The following PCDHB12 variants were observed in gnomAD, a reference collection of about 807,000 sequenced individuals.
PCDHB12 encodes protocadherin beta 12.
For missense variants in PCDHB12, 1,192 were observed against 998.2 expected, an observed-to-expected ratio of 1.19 and a Z score of -2.62; for synonymous variants, 560 against 445.2, an observed-to-expected ratio of 1.26 and a Z score of -3.24.
At position 141,210,396 on chromosome 5, in the gene PCDHB12, C is replaced by T. The variant is rs537711307; in HGVS notation, c.1489C>T (p.His497Tyr). 13 of 1,613,086 alleles carry T rather than the reference C, an allele frequency of 8.1e-6. No homozygotes were observed. Among genetic ancestry groups the T allele is most frequent in the African/African-American group, 1.3e-5 (1 of 75,042 alleles). Residue 497 changes from histidine (H) to tyrosine (Y), a missense_variant, in exon 1 of 1, where the codon CAC becomes TAC. His to Tyr is a moderately conservative substitution (Grantham distance 83). Coordinates refer to ENST00000239450, the MANE Select transcript of PCDHB12 (RefSeq NM_018932.4). ...CTCGCTGCTGCCGTCCCAGGACCCG[C>T]ACCTGCCCCTCGCCTCCCTGGTCTC... ...NYSLLPSQDP[H>Y]LPLASLVSIN...
chr5:141,210,125 G>A lies in PCDHB12; in HGVS notation c.1218G>A (p.Glu406=). The A allele has an allele frequency of 6.2e-7, 1 of 1,613,894 alleles. No individual in the cohort carries two copies. The highest frequency in any genetic ancestry group is 1.1e-5 in the South Asian group (1 of 91,056). The change falls in exon 1 of 1, where the codon GAG becomes GAA. Residue 406 remains glutamate (E), a synonymous_variant. Coordinates refer to ENST00000239450, the MANE Select transcript of PCDHB12 (RefSeq NM_018932.4). ...SVNNYYTLET[E]RPLDRESRAE... is the part of the protein sequence containing the mutation. ...ATAATTACTACACTTTGGAAACAGA[G>A]AGACCGCTGGACAGAGAGAGCAGAG... is the stretch of plus-strand genomic sequence containing the variant.
At position 141,209,268 on chromosome 5, in the gene PCDHB12, CTCCAGG is replaced by C; in HGVS notation, c.364_369del (p.Gln122_Val123del). 1 of 1,614,180 alleles carries C rather than the reference CTCCAGG, an allele frequency of 6.2e-7. No homozygotes were observed. The highest frequency in any genetic ancestry group is 8.5e-7 in the Non-Finnish European group (1 of 1,180,038). On this transcript the variant is annotated inframe_deletion, in exon 1 of 1. Transcript: ENST00000239450. ...CCCCACGCAGTTTTTACAAATTGAG[CTCCAGG>C]TCAGGGATATAAATGATCACTCTCC...
Position 141,212,287 on chromosome 5 carries a change from T to C in PCDHB12, c.*992T>C, listed in dbSNP as rs188216547. On this transcript the variant is annotated 3_prime_UTR_variant, in exon 1 of 1. Transcript: ENST00000239450. ...GAGTCACCCATGCTTACATTTGTAATATATTTTCCTGATTTGAGAGTTTGT... is the reference window on the plus strand; with the variant it reads ...GAGTCACCCATGCTTACATTTGTAACATATTTTCCTGATTTGAGAGTTTGT... The C allele has an allele frequency of 2.5e-4, 40 of 160,850 alleles. No individual in the cohort carries two copies. Among genetic ancestry groups the C allele is most frequent in the African/African-American group, 9.1e-4 (38 of 41,600 alleles). The allele number at this position is 160,850 out of a possible 1,614,324, so 10.0% of individuals were successfully genotyped here. A position where few individuals can be genotyped will look rare whatever the true frequency, so the allele number is the denominator to read the frequency against.
rs782430050 is a variant in PCDHB12 at position 141,209,841 on chromosome 5, A to G, written c.934A>G (p.Ile312Val). The G allele has an allele frequency of 2.5e-6, 4 of 1,614,120 alleles. No homozygotes were observed. In the African/African-American group the frequency reaches 5.3e-5, roughly 22 times the overall value. ...AACAGCACCTTTGGATTTTGAAGCA[A>G]TTGAGTCATACTCAATAATCATTCA... ...TLTAPLDFEA[I>V]ESYSIIIQAT... The change falls in exon 1 of 1, where the codon ATT becomes GTT. Residue 312 changes from isoleucine to valine, a missense_variant. Ile to Val is a conservative substitution (Grantham distance 29). Transcript: ENST00000239450.
rs782530493 is a variant in PCDHB12 at position 141,211,213 on chromosome 5, C to G, written c.2306C>G (p.Pro769Arg). The G allele has an allele frequency of 1.9e-6, 3 of 1,613,970 alleles. No individual in the cohort carries two copies. The highest frequency in any genetic ancestry group is 1.7e-6 in the Non-Finnish European group (2 of 1,179,960). Reference protein sequence around the residue: ...SRSNKFKFLKPIIPNFLPQST... With the variant: ...SRSNKFKFLKRIIPNFLPQST... ...TCAAATAAGTTCAAATTTCTGAAAC[C>G]AATTATCCCCAACTTCCTACCCCAG... Residue 769 changes from proline to arginine, a missense_variant, in exon 1 of 1, where the codon CCA (proline) becomes CGA (arginine). By Grantham distance (103) the Pro-to-Arg change is moderately radical. Coordinates refer to ENST00000239450, the MANE Select transcript of PCDHB12 (RefSeq NM_018932.4).
chr5:141,210,580 C>T lies in PCDHB12; in HGVS notation c.1673C>T (p.Ser558Leu), dbSNP rs782480054. ...CTGGTGCTGGACGCCAACGACAACT[C>T]GCCCTTCGTGCTGTACCCGCTGCAG... is the stretch of plus-strand genomic sequence containing the variant. ...RVLVLDANDNSPFVLYPLQNG... is the reference protein window; with the variant it reads ...RVLVLDANDNLPFVLYPLQNG... The change falls in exon 1 of 1, where the codon TCG becomes TTG. Residue 558 changes from serine to leucine, a missense_variant. Physicochemically the swap from Ser to Leu is moderately radical, Grantham distance 145. Coordinates refer to ENST00000239450, the MANE Select transcript of PCDHB12 (RefSeq NM_018932.4). 6.2e-7 allele frequency: 1 copy of T among 1,611,622 alleles called. No individual in the cohort carries two copies. The highest frequency in any genetic ancestry group is 8.5e-7 in the Non-Finnish European group (1 of 1,179,736).
chr5:141,211,521 A>G lies in PCDHB12; in HGVS notation c.*226A>G. The G allele has an allele frequency of 1.6e-6, 1 of 616,490 alleles. No individual in the cohort carries two copies. Among genetic ancestry groups the G allele is most frequent in the Non-Finnish European group, 2.9e-6 (1 of 341,944 alleles). 38.2% of individuals were successfully genotyped at this position (616,490 alleles called of 1,614,324 possible). A position where few individuals can be genotyped will look rare whatever the true frequency, so the allele number is the denominator to read the frequency against. ...TATGTCAAACAATTATGCTTAATAT[A>G]AAGTCTATTAAGTGGTAAGTCTTGT... On this transcript the variant is annotated 3_prime_UTR_variant, in exon 1 of 1. Transcript: ENST00000239450.
Position 141,210,715 on chromosome 5 carries a change from C to G in PCDHB12, c.1808C>G (p.Ser603Trp), listed in dbSNP as rs782429642. The change falls in exon 1 of 1, where the codon TCG becomes TGG. Residue 603 changes from serine to tryptophan, a missense_variant. Coordinates refer to ENST00000239450, the MANE Select transcript of PCDHB12 (RefSeq NM_018932.4). ...DGDSGQNAWL[S>W]YQLLKATEPG... ...GACTCGGGCCAGAACGCCTGGCTGT[C>G]GTACCAGCTGCTCAAGGCCACGGAG... 13 of 1,608,878 alleles carry G rather than the reference C, an allele frequency of 8.1e-6. No individual in the cohort carries two copies. The African/African-American group carries it at 1.3e-4, about 17-fold the overall frequency.
At position 141,211,331 on chromosome 5, in the gene PCDHB12, C is replaced by T. The variant is rs782057966; in HGVS notation, c.*36C>T. Reference sequence around the variant, plus strand: ...AAAATAAAACCTGTGTTTATGAATACATTTATAATTAGGAACTTATCGTGA... The same window carrying T: ...AAAATAAAACCTGTGTTTATGAATATATTTATAATTAGGAACTTATCGTGA... On this transcript the variant is annotated 3_prime_UTR_variant, in exon 1 of 1. Transcript: ENST00000239450. The T allele has an allele frequency of 3.2e-5, 49 of 1,549,244 alleles. No homozygotes were observed. In the Admixed American group the frequency reaches 4.4e-4, roughly 14 times the overall value.
At position 141,210,630 on chromosome 5, in the gene PCDHB12, C is replaced by A. The variant is rs781846298; in HGVS notation, c.1723C>A (p.Leu575Met). The change falls in exon 1 of 1, where the codon CTG (leucine) becomes ATG (methionine). Residue 575 changes from leucine (L) to methionine (M), a missense_variant. Coordinates refer to ENST00000239450, the MANE Select transcript of PCDHB12 (RefSeq NM_018932.4). ...LQNGSAPCTELVPWAAEPGYL... is the reference protein window; with the variant it reads ...LQNGSAPCTEMVPWAAEPGYL... ...GAACGGCTCCGCGCCCTGCACCGAGCTGGTGCCCTGGGCGGCCGAGCCGGG... is the reference window on the plus strand; with the variant it reads ...GAACGGCTCCGCGCCCTGCACCGAGATGGTGCCCTGGGCGGCCGAGCCGGG... 2.5e-6 allele frequency: 4 copies of A among 1,611,358 alleles called. No homozygotes were observed. The South Asian group carries it at 4.4e-5, about 18-fold the overall frequency.
At position 141,210,937 on chromosome 5, in the gene PCDHB12, C is replaced by G. The variant is rs1754440840; in HGVS notation, c.2030C>G (p.Ala677Gly). Reference sequence around the variant, plus strand: ...CCCTACCTGCCTCTCCCGGAGGCGGCCCCGGCCCAGGCCCAGGCCGACTCG... The same window carrying G: ...CCCTACCTGCCTCTCCCGGAGGCGGGCCCGGCCCAGGCCCAGGCCGACTCG... The part of the protein sequence containing the change: ...SQPYLPLPEA[A>G]PAQAQADSLT... Residue 677 changes from alanine (A) to glycine (G), a missense_variant, in exon 1 of 1, where the codon GCC becomes GGC. By Grantham distance (60) the Ala-to-Gly change is moderately conservative. Coordinates refer to ENST00000239450, the MANE Select transcript of PCDHB12 (RefSeq NM_018932.4). The G allele has an allele frequency of 6.2e-7, 1 of 1,611,152 alleles. No homozygotes were observed. The highest frequency in any genetic ancestry group is 1.7e-5 in the Admixed American group (1 of 60,000).
rs782525356 is a variant in PCDHB12, at chr5:141,210,523, C to A, written c.1616C>A (p.Pro539Gln). ...GTGGGCGCCACAGACCACGGCTCCC[C>A]GGCTTTGAGCAGCGAGGCGCTGGTG... Reference protein sequence around the residue: ...FRVGATDHGSPALSSEALVRV... With the variant: ...FRVGATDHGSQALSSEALVRV... Residue 539 changes from proline (P) to glutamine (Q), a missense_variant, in exon 1 of 1, where the codon CCG becomes CAG. Physicochemically the swap from Pro to Gln is moderately conservative, Grantham distance 76. Transcript: ENST00000239450. 6.2e-7 allele frequency: 1 copy of A among 1,612,162 alleles called. No individual in the cohort carries two copies. Among genetic ancestry groups the A allele is most frequent in the Admixed American group, 1.7e-5 (1 of 60,012 alleles).
At position 141,209,339 on chromosome 5, in the gene PCDHB12, G is replaced by T; in HGVS notation, c.432G>T (p.Glu144Asp). The change falls in exon 1 of 1, where the codon GAG becomes GAT. Residue 144 changes from glutamate to aspartate, a missense_variant. Physicochemically the swap from Glu to Asp is conservative, Grantham distance 45 (BLOSUM62 2). Transcript: ENST00000239450. ...LEKEMLLEIP[E>D]NSPVGAVFLL... Reference sequence around the variant, plus strand: ...AAGAAATGCTCTTAGAAATCCCAGAGAACAGTCCTGTTGGTGCTGTGTTCT... The same window carrying T: ...AAGAAATGCTCTTAGAAATCCCAGATAACAGTCCTGTTGGTGCTGTGTTCT... The T allele has an allele frequency of 6.2e-7, 1 of 1,614,204 alleles. No individual in the cohort carries two copies. The highest frequency in any genetic ancestry group is 8.5e-7 in the Non-Finnish European group (1 of 1,180,044).
Position 141,210,756 on chromosome 5 carries a change from G to T in PCDHB12, c.1849G>T (p.Val617Leu), listed in dbSNP as rs782739306. 1.2e-6 allele frequency: 2 copies of T among 1,603,414 alleles called. No individual in the cohort carries two copies. Among genetic ancestry groups the T allele is most frequent in the African/African-American group, 1.3e-5 (1 of 74,960 alleles). Residue 617 changes from valine to leucine, a missense_variant, in exon 1 of 1, where the codon GTG becomes TTG. Val to Leu is a conservative substitution (Grantham distance 32). Transcript: ENST00000239450. ...LKATEPGLFG[V>L]WAHNGEVRTA... ...GGCCACGGAGCCCGGGCTATTCGGCGTGTGGGCGCACAATGGCGAGGTGCG... is the reference window on the plus strand; with the variant it reads ...GGCCACGGAGCCCGGGCTATTCGGCTTGTGGGCGCACAATGGCGAGGTGCG...
chr5:141,210,815 C>G lies in PCDHB12; in HGVS notation c.1908C>G (p.Ala636=), dbSNP rs781807139. 3 of 1,600,632 alleles carry G rather than the reference C, an allele frequency of 1.9e-6. No individual in the cohort carries two copies. Among genetic ancestry groups the G allele is most frequent in the Middle Eastern group, 4.5e-4 (2 of 4,442 alleles). ...TARLLSERDA[A]KHRLVVLVKD... is the part of the protein sequence containing the mutation. The stretch of plus-strand genomic sequence containing the variant: ...GGCTGCTGAGCGAGCGCGACGCGGC[C>G]AAGCACAGGCTGGTGGTGCTGGTCA... Residue 636 remains alanine (A), a synonymous_variant, in exon 1 of 1, where the codon GCC becomes GCG. Coordinates refer to ENST00000239450, the MANE Select transcript of PCDHB12 (RefSeq NM_018932.4).
rs1554286668 is a variant in PCDHB12 at position 141,209,437 on chromosome 5, A to G, written c.530A>G (p.His177Arg). 2.5e-6 allele frequency: 4 copies of G among 1,614,190 alleles called. No homozygotes were observed. Among genetic ancestry groups the G allele is most frequent in the Non-Finnish European group, 3.4e-6 (4 of 1,180,032 alleles). ...AGCTACACAATAAATCCGAACTCTC[A>G]TTTCCACGTTAAAATAAGAGTCAAT... ...VKSYTINPNS[H>R]FHVKIRVNPD... Residue 177 changes from histidine (H) to arginine (R), a missense_variant, in exon 1 of 1, where the codon CAT (histidine) becomes CGT (arginine). Coordinates refer to ENST00000239450, the MANE Select transcript of PCDHB12 (RefSeq NM_018932.4).
In PCDHB12 at chr5:141,211,964, C is replaced by T. The variant is rs1754471757; in HGVS notation, c.*669C>T. On this transcript the variant is annotated 3_prime_UTR_variant, in exon 1 of 1. Transcript: ENST00000239450. ...AACTAAAGAGAAGAAAAGTTTTTAT[C>T]GTATTCATACTACTGTTCAATCTTT... 3 of 167,178 alleles carry T rather than the reference C, an allele frequency of 1.8e-5. No homozygotes were observed. The highest frequency in any genetic ancestry group is 4.1e-4 in the South Asian group (2 of 4,830). 10.4% of individuals were successfully genotyped at this position (167,178 alleles called of 1,614,324 possible). A position where few individuals can be genotyped will look rare whatever the true frequency, so the allele number is the denominator to read the frequency against.
In PCDHB12 at chr5:141,209,184, G is replaced by A; in HGVS notation, c.277G>A (p.Glu93Lys). 2 of 1,614,202 alleles carry A rather than the reference G, an allele frequency of 1.2e-6. No individual in the cohort carries two copies. The highest frequency in any genetic ancestry group is 1.7e-6 in the Non-Finnish European group (2 of 1,180,036). Reference protein sequence around the residue: ...DLLLREMLDREELCGSNEPCV... With the variant: ...DLLLREMLDRKELCGSNEPCV... ...GCTCCTGAGAGAAATGCTAGACAGG[G>A]AGGAGCTCTGTGGCTCCAATGAGCC... Residue 93 changes from glutamate (E) to lysine (K), a missense_variant, in exon 1 of 1, where the codon GAG becomes AAG. Coordinates refer to ENST00000239450, the MANE Select transcript of PCDHB12 (RefSeq NM_018932.4).
chr5:141,209,327 A>G lies in PCDHB12; in HGVS notation c.420A>G (p.Leu140=). The G allele has an allele frequency of 6.2e-7, 1 of 1,614,252 alleles. No homozygotes were observed. Among genetic ancestry groups the G allele is most frequent in the Non-Finnish European group, 8.5e-7 (1 of 1,180,044 alleles). The change falls in exon 1 of 1, where the codon TTA becomes TTG. Residue 140 remains leucine (L), a synonymous_variant. Transcript: ENST00000239450. ...TCTTCTTGGAAAAAGAAATGCTCTT[A>G]GAAATCCCAGAGAACAGTCCTGTTG... ...SPVFLEKEML[L]EIPENSPVGA...
Sources: gnomAD v4.1 joint callset for allele counts on GRCh38, gnomAD v4.1.1 for gene constraint, MANE v1.5 for transcripts, NCBI Gene and HGNC (gene_info 2026-07-23, HGNC 2026-07-21) for gene names.